DCUN1D4: variants seen among roughly 807,000 people sequenced by gnomAD.
DCUN1D4 encodes the protein defective in cullin neddylation 1 domain containing 4.
A neutral mutation model predicts 47.9 loss-of-function variants in DCUN1D4; 22 were observed. The observed-to-expected ratio is 0.46, with a 90% CI of 0.33 to 0.66. The LOEUF (loss-of-function observed/expected upper bound fraction) is 0.66. DCUN1D4 is among the 30% of genes least tolerant of loss of function. DCUN1D4 has a pLI of 0.02. For missense variants in DCUN1D4, 301 were observed against 340.8 expected, an observed-to-expected ratio of 0.88 and a Z score of 0.92; for synonymous variants, 121 against 112.2, an observed-to-expected ratio of 1.08 and a Z score of -0.50.
At chr4:51,908,939 A>G in intron 8 of DCUN1D4, 1 of 456,270 alleles carries the variant, frequency 2.2e-6, no homozygotes. Flanking sequence ...GGTGTTAGTG[A>G]TTGCGAGCTG....
At chr4:51,875,325 G>A (rs1727504118) in intron 4 of DCUN1D4, 2 of 152,068 alleles carry the variant, frequency 1.3e-5, no homozygotes, top group South Asian at 4.1e-4. Context: ...TACTTTTTTG[G>A]TGGTGTGGAC....
intron 8 of DCUN1D4, among the ~76,000 whole-genome samples, chr4:51,908,285 C>T (rs1301368036): frequency 6.6e-6 from 1 of 152,112 alleles, no homozygotes; most frequent in Non-Finnish European, 1.5e-5. Context: ...TGCTTTTTAT[C>T]TTAGTAAATT....
chr4:51,849,002 C>T (rs917617691), intron 1 of DCUN1D4, among the ~76,000 whole-genome samples: 5 of 152,046 alleles, frequency 3.3e-5, no homozygotes, highest in Non-Finnish European at 7.4e-5. Context: ...TTTGCAGAGA[C>T]GGGGAGTAAT....
At chr4:51,910,768 T>G (rs1346917458) in intron 8 of DCUN1D4, 8 of 371,256 alleles carry the variant, frequency 2.2e-5, no homozygotes, top group Non-Finnish European at 3.8e-5. Context: ...TACAAGTTTT[T>G]ATTAATCCCA....
At chr4:51,898,278 C>T (rs1731569682) in intron 7 of DCUN1D4, among the ~76,000 whole-genome samples, 1 of 152,116 alleles carries the variant, frequency 6.6e-6, no homozygotes, top group African/African-American at 2.4e-5. Context: ...TGGGCAAGTG[C>T]CTTCCCTGGA....
chr4:51,905,373 C>T (rs747438733), intron 8 of DCUN1D4: 4 of 264,916 alleles, frequency 1.5e-5, no homozygotes, highest in Admixed American at 7.7e-5. Flanking sequence ...GCTCTCCTCC[C>T]GCTGTGGAAT....
rs945036492 is a variant in DCUN1D4, at chr4:51,873,374, C to G, written c.137-897C>G. On this transcript the variant is annotated intron_variant, in intron 3 of 10. Transcript: ENST00000334635. The stretch of plus-strand genomic sequence containing the variant: ...AAATGACATAATATATTTGAGGGCA[C>G]TTGTACCAAGGTGGGGTATTTTAAT... Among the ~76,000 whole-genome samples the G allele has an allele frequency of 2.0e-5, 3 of 152,200 alleles. No individual in the cohort carries two copies. In the East Asian group the frequency reaches 5.8e-4, roughly 29 times the overall value.
intron 6 of DCUN1D4, chr4:51,886,899 T>C (rs923441069): frequency 1.3e-5 from 6 of 450,536 alleles, no homozygotes; most frequent in Non-Finnish European, 2.5e-5. Flanking sequence ...GCTTACAAAA[T>C]GGTGTGGCCA....
chr4:51,905,291 G>A (rs1307742809), intron 8 of DCUN1D4: 17 of 442,628 alleles, frequency 3.8e-5, no homozygotes, highest in Admixed American at 7.1e-5. Flanking sequence ...AGGGGCAGCA[G>A]CAGGGCCCGC....
At chr4:51,907,934 A>G (rs1006620262) in intron 8 of DCUN1D4, among the ~76,000 whole-genome samples, 2 of 152,236 alleles carry the variant, frequency 1.3e-5, no homozygotes, top group African/African-American at 4.8e-5. Context: ...AGGAGAACCT[A>G]TACTGAAACA....
chr4:51,840,405 C>G (rs1721599467), upstream of DCUN1D4, among the ~76,000 whole-genome samples: 1 of 152,148 alleles, frequency 6.6e-6, no homozygotes, highest in Non-Finnish European at 1.5e-5. Context: ...AGTAGTTTAC[C>G]TATCTTTGGA....
intron 1 of DCUN1D4, among the ~76,000 whole-genome samples, chr4:51,846,421 C>T (rs1237199565): frequency 6.6e-6 from 1 of 152,186 alleles, no homozygotes; most frequent in Middle Eastern, 3.2e-3. Flanking sequence ...CTGTTGTTAA[C>T]TCTGTGTACC....
chr4:51,856,033 A>G (rs1875920), intron 1 of DCUN1D4, among the ~76,000 whole-genome samples: 151,613 of 152,340 alleles, frequency 1, 75,445 homozygotes, highest in East Asian at 1. Flanking sequence ...GCATTCCCTG[A>G]TGAATCCCAG....
At chr4:51,899,629 A>G (rs938576977) in intron 8 of DCUN1D4, among the ~76,000 whole-genome samples, 18 of 152,222 alleles carry the variant, frequency 1.2e-4, no homozygotes, top group African/African-American at 4.1e-4. Flanking sequence ...TAAAAGTGAC[A>G]TGGGCATGCA....
chr4:51,879,805 A>G (rs769735130), intron 5 of DCUN1D4, among the ~76,000 whole-genome samples: 1 of 152,230 alleles, frequency 6.6e-6, no homozygotes, highest in Non-Finnish European at 1.5e-5. Flanking sequence ...TCACCATAGC[A>G]TAGCTATTCT....
At position 51,912,602 on chromosome 4, in the gene DCUN1D4, C is replaced by T. The variant is rs550187370; in HGVS notation, c.721-688C>T. ...TGGATTTTATTTATGAATCTTCATA[C>T]AGGGATACTGTATTTTTAAATAGAC... On this transcript the variant is annotated intron_variant, in intron 9 of 10. Transcript: ENST00000334635. 7.9e-5 allele frequency among the ~76,000 whole-genome samples: 12 copies of T among 152,286 alleles called. No individual in the cohort carries two copies. In the East Asian group the frequency reaches 2.3e-3, roughly 29 times the overall value.
At chr4:51,833,889 A>G in the DCUN1D4 span, among the ~76,000 whole-genome samples, 12 of 152,180 alleles carry the variant, frequency 7.9e-5, no homozygotes, top group African/African-American at 2.6e-4. Context: ...TCAGTCAAGG[A>G]AGGCTTAATG....
chr4:51,834,299 G>T, the DCUN1D4 span, among the ~76,000 whole-genome samples: 2 of 151,306 alleles, frequency 1.3e-5, no homozygotes, highest in Non-Finnish European at 2.9e-5. Flanking sequence ...CATGTCTAGG[G>T]TGTCTGAATT....
intron 1 of DCUN1D4, among the ~76,000 whole-genome samples, chr4:51,851,769 C>T (rs763097898): frequency 3.9e-5 from 6 of 152,162 alleles, no homozygotes; most frequent in South Asian, 2.1e-4. Context: ...CTCATTTAAT[C>T]CTCACAGCAA....
Sources: gnomAD v4.1 joint callset for allele counts (sites outside exome capture counted in the v4.1 genomes callset) on GRCh38, gnomAD v4.1.1 for gene constraint, MANE v1.5 for transcripts, NCBI Gene and HGNC (gene_info 2026-07-23, HGNC 2026-07-21) for gene names.